The following POLN variants were observed in gnomAD, a reference collection of about 807,000 sequenced individuals.
The protein encoded by POLN is DNA polymerase N.
In POLN, 108 loss-of-function variants were observed where a neutral mutation model predicts 113.5. The ratio of observed to expected loss-of-function variants is 0.95; its 90% CI spans 0.81 to 1.12. The LOEUF (loss-of-function observed/expected upper bound fraction) is 1.12. Among genes scored for constraint, POLN ranks in the 50% most tolerant of loss-of-function variants. POLN has a pLI of 0.00. For missense variants in POLN, 1,097 were observed against 1,077.1 expected (o/e 1.02, Z -0.26); for synonymous variants, 386 against 391.5 (o/e 0.99, Z 0.17).
At chr4:2,223,421 T>C (rs1465127304) in intron 3 of POLN, among the ~76,000 whole-genome samples, 2 of 152,170 alleles carry the variant, frequency 1.3e-5, no homozygotes, top group African/African-American at 2.4e-5. Flanking sequence ...GAACTGCACA[T>C]GCAAGGGATA....
At chr4:2,183,442 C>T (rs1733192106) in intron 7 of POLN, among the ~76,000 whole-genome samples, 2 of 152,110 alleles carry the variant, frequency 1.3e-5, no homozygotes, top group Non-Finnish European at 1.5e-5. Flanking sequence ...GAATATTATT[C>T]AGCCATAAAA....
chr4:2,075,746 C>A (rs192947854), intron 23 of POLN, among the ~76,000 whole-genome samples: 34 of 152,318 alleles, frequency 2.2e-4, no homozygotes, highest in Non-Finnish European at 4.7e-4. Flanking sequence ...TGCTTGAGGT[C>A]ACCCACTGTC....
chr4:2,189,973 T>A (rs10006740), intron 7 of POLN, among the ~76,000 whole-genome samples: 1 of 142,826 alleles, frequency 7.0e-6, no homozygotes, highest in African/African-American at 2.6e-5. Context: ...TGCAGTGAGC[T>A]GAGATCACGC....
chr4:2,079,583 T>C (rs1374137170), intron 23 of POLN: 50 of 984,526 alleles, frequency 5.1e-5, no homozygotes, highest in Non-Finnish European at 6.0e-5. Flanking sequence ...GGACTGAGAG[T>C]GAATCTTATT....
At chr4:2,221,059 G>C (rs927772504) in intron 3 of POLN, among the ~76,000 whole-genome samples, 17 of 152,068 alleles carry the variant, frequency 1.1e-4, no homozygotes, top group South Asian at 1.0e-3. Context: ...CAGCAAAGGT[G>C]GGGGGAAGCG....
intron 13 of POLN, among the ~76,000 whole-genome samples, chr4:2,161,554 C>T (rs1732590801): frequency 6.6e-6 from 1 of 152,368 alleles, no homozygotes; most frequent in South Asian, 2.1e-4. Context: ...CTCCCACCCC[C>T]TCCGTGGGCT....
chr4:2,155,635 C>A (rs1732405351), intron 16 of POLN, among the ~76,000 whole-genome samples: 1 of 152,126 alleles, frequency 6.6e-6, no homozygotes, highest in African/African-American at 2.4e-5. Context: ...CTGTAAACCT[C>A]CACATACTTG....
At chr4:2,179,519 C>A (rs1733081440) in intron 7 of POLN, 54 bp from the exon 8 acceptor site, 5 of 1,554,520 alleles carry the variant, frequency 3.2e-6, no homozygotes, top group Admixed American at 3.5e-5. Context: ...AGTTGTTTTT[C>A]CTGCTTTGAC....
intron 20 of POLN, chr4:2,089,969 A>G (rs74324166): frequency 0.012 from 11,164 of 935,132 alleles, 154 homozygotes; most frequent in Non-Finnish European, 0.012. Flanking sequence ...AACCTACATG[A>G]TTCTGGTTTC....
chr4:2,232,482 C>G (rs140422394), intron 2 of POLN, among the ~76,000 whole-genome samples: 6 of 152,242 alleles, frequency 3.9e-5, no homozygotes, highest in African/African-American at 1.2e-4. Context: ...ATTACTGATA[C>G]AAGAATAAAC....
At chr4:2,138,525 C>CTCCA (rs1442948462) in intron 16 of POLN, among the ~76,000 whole-genome samples, 1 of 152,198 alleles carries the variant, frequency 6.6e-6, no homozygotes, top group African/African-American at 2.4e-5. Flanking sequence ...GACCCCTGGG[C>CTCCA]TCCAGCCTGT....
chr4:2,113,305 G>A (rs1175979810), intron 19 of POLN, among the ~76,000 whole-genome samples: 2 of 150,862 alleles, frequency 1.3e-5, no homozygotes, highest in African/African-American at 4.9e-5. Flanking sequence ...GTTAATGGGT[G>A]CAGCACACCA....
chr4:2,160,238 A>G (rs1732546318), intron 13 of POLN, among the ~76,000 whole-genome samples: 1 of 152,152 alleles, frequency 6.6e-6, no homozygotes, highest in African/African-American at 2.4e-5. Flanking sequence ...ATATTTGACT[A>G]ATTGTATATC....
intron 20 of POLN, chr4:2,090,269 C>A: frequency 1.2e-6 from 1 of 801,102 alleles, no homozygotes; most frequent in Non-Finnish European, 2.1e-6. Flanking sequence ...GAACCTCTGA[C>A]AAAGGCTTCT....
intron 12 of POLN, 67 bp from the exon 13 acceptor site, chr4:2,170,841 G>T: frequency 7.1e-7 from 1 of 1,403,632 alleles, no homozygotes; most frequent in Non-Finnish European, 1.0e-6. Context: ...CATTACTATA[G>T]CAGAGCCCAT....
chr4:2,157,787 G>T, intron 15 of POLN, 71 bp downstream of exon 15: 1 of 835,340 alleles, frequency 1.2e-6, no homozygotes, highest in Non-Finnish European at 1.9e-6. Context: ...AATTACAAAG[G>T]TTCTATATGT....
chr4:2,118,157 A>G lies in POLN; in HGVS notation c.1982+9956T>C, dbSNP rs146911252. 2.2e-3 allele frequency among the ~76,000 whole-genome samples: 335 copies of G among 152,308 alleles called. 2 individuals carry two copies. Among genetic ancestry groups the G allele is most frequent in the South Asian group, 9.7e-3 (47 of 4,828 alleles). ...ATCAGGAGCATAGGGGAGAGCCACA[A>G]ACTTTTACCCTTTTTTACTCTCTTT... On this transcript the variant is annotated intron_variant, in intron 19 of 25. Transcript: ENST00000511885.
At chr4:2,143,837 G>A (rs982623418) in intron 16 of POLN, among the ~76,000 whole-genome samples, 3 of 152,000 alleles carry the variant, frequency 2.0e-5, no homozygotes, top group African/African-American at 7.3e-5. Context: ...GTTGACTTGT[G>A]CACACTTATC....
intron 20 of POLN, 125 bp from the exon 21 acceptor site, chr4:2,085,869 G>C (rs187031031): frequency 7.5e-7 from 1 of 1,328,076 alleles, no homozygotes; most frequent in South Asian, 1.4e-5. Context: ...TGGAGTTGGC[G>C]TTGACTTTAC....
Sources: allele counts gnomAD v4.1 joint callset (sites outside exome capture counted in the v4.1 genomes callset), GRCh38; gene constraint gnomAD v4.1.1; transcripts MANE v1.5; gene names NCBI Gene and HGNC (gene_info 2026-07-23, HGNC 2026-07-21).